Variants in NRG1 observed in about 807,000 individuals in gnomAD.
NRG1 encodes neuregulin 1.
In NRG1, 18 loss-of-function variants were observed where a neutral mutation model predicts 63.8. The observed-to-expected ratio is 0.28, with a 90% confidence interval of 0.19 to 0.42. The LOEUF is 0.42. Ranked by LOEUF, NRG1 falls within the 10% of genes least tolerant of loss-of-function variation. NRG1 has a pLI of 1.00. For missense variants in NRG1, 762 were observed against 814.7 expected (o/e 0.94, Z 0.79); for synonymous variants, 302 against 301.3 (o/e 1.00, Z -0.02).
At chr8:32,376,471 G>A (rs897865711) in intron 1 of NRG1, among the ~76,000 whole-genome samples, 2 of 152,046 alleles carry the variant, frequency 1.3e-5, no homozygotes, top group Admixed American at 1.3e-4. Flanking sequence ...CCAGAGGATG[G>A]GTACCTAGGT....
intron 1 of NRG1, among the ~76,000 whole-genome samples, chr8:32,325,452 G>A (rs938556984): frequency 1.4e-4 from 22 of 152,176 alleles, no homozygotes; most frequent in African/African-American, 5.1e-4. Context: ...CACAAACGTG[G>A]CTCACTGCAG....
intron 5 of NRG1, among the ~76,000 whole-genome samples, chr8:32,698,015 G>A (rs1255309103): frequency 1.3e-5 from 2 of 152,066 alleles, no homozygotes; most frequent in Non-Finnish European, 2.9e-5. Flanking sequence ...TGACCATCCT[G>A]GCCAACATGG....
intron 1 of NRG1, among the ~76,000 whole-genome samples, chr8:31,763,819 G>A (rs1424219216): frequency 1.3e-5 from 2 of 151,964 alleles, no homozygotes; most frequent in Non-Finnish European, 2.9e-5. Flanking sequence ...GCATGGTGGC[G>A]GGTGGCTGTA....
At chr8:32,098,120 C>T (rs544680771) in intron 1 of NRG1, among the ~76,000 whole-genome samples, 3 of 124,586 alleles carry the variant, frequency 2.4e-5, no homozygotes, top group Non-Finnish European at 3.7e-5. Flanking sequence ...GCAATCAGTA[C>T]GGTGGGAAGA....
intron 1 of NRG1, among the ~76,000 whole-genome samples, chr8:31,696,451 C>CT (rs1331236409): frequency 2.6e-5 from 4 of 152,078 alleles, no homozygotes; most frequent in African/African-American, 9.7e-5. Flanking sequence ...GCTTTACTAA[C>CT]TAGGAGGGAA....
At chr8:32,007,426 G>A (rs1247023511) in intron 1 of NRG1, among the ~76,000 whole-genome samples, 2 of 151,938 alleles carry the variant, frequency 1.3e-5, no homozygotes, top group African/African-American at 4.8e-5. Flanking sequence ...GACATTAACT[G>A]AATTTGAAAA....
At chr8:32,284,717 T>G (rs1049515722) in intron 1 of NRG1, among the ~76,000 whole-genome samples, 8 of 152,206 alleles carry the variant, frequency 5.3e-5, no homozygotes, top group African/African-American at 1.9e-4. Flanking sequence ...GCCTTTTGTT[T>G]GTTTGTTTGT....
chr8:32,478,283 C>T (rs1824791195), intron 1 of NRG1, among the ~76,000 whole-genome samples: 1 of 152,096 alleles, frequency 6.6e-6, no homozygotes, highest in African/African-American at 2.4e-5. Flanking sequence ...CTTTTTGCAG[C>T]CTGGGGGCCC....
intron 1 of NRG1, among the ~76,000 whole-genome samples, chr8:31,688,230 A>G (rs1361009603): frequency 6.6e-6 from 1 of 152,170 alleles, no homozygotes; most frequent in East Asian, 1.9e-4. Flanking sequence ...CTGATCTCCA[A>G]AGTGATGGTA....
At chr8:32,737,661 G>A (rs1935801066) in intron 6 of NRG1, among the ~76,000 whole-genome samples, 1 of 147,620 alleles carries the variant, frequency 6.8e-6, no homozygotes, top group Admixed American at 6.8e-5. Context: ...TCAATTAACT[G>A]TATGACAATC....
At chr8:31,660,223 A>G (rs1245815092) in intron 1 of NRG1, among the ~76,000 whole-genome samples, 2 of 152,206 alleles carry the variant, frequency 1.3e-5, no homozygotes, top group African/African-American at 2.4e-5. Context: ...CTGGCAAGCT[A>G]TGATTGATTG....
chr8:32,410,836 T>C (rs1402785509), intron 1 of NRG1, among the ~76,000 whole-genome samples: 1 of 151,838 alleles, frequency 6.6e-6, no homozygotes, highest in East Asian at 1.9e-4. Context: ...CACAGAACCA[T>C]GGAAATATAG....
intron 5 of NRG1, among the ~76,000 whole-genome samples, chr8:32,713,745 T>TA (rs1163703637): frequency 6.9e-6 from 1 of 144,848 alleles, no homozygotes; most frequent in East Asian, 1.9e-4. Context: ...AATATATTTG[T>TA]TATAAATATA....
intron 1 of NRG1, among the ~76,000 whole-genome samples, chr8:31,756,472 C>T (rs1370653301): frequency 1.3e-5 from 2 of 152,128 alleles, no homozygotes; most frequent in Admixed American, 6.5e-5. Context: ...CTGAGGAATG[C>T]CGAGTTACAT....
intron 1 of NRG1, among the ~76,000 whole-genome samples, chr8:31,946,968 C>G (rs1802642873): frequency 6.6e-6 from 1 of 152,184 alleles, no homozygotes; most frequent in Admixed American, 6.5e-5. Context: ...CTGTGATTGC[C>G]TACTAAATTC....
At chr8:32,000,586 A>G (rs899889779) in intron 1 of NRG1, among the ~76,000 whole-genome samples, 5 of 152,062 alleles carry the variant, frequency 3.3e-5, no homozygotes, top group Admixed American at 3.3e-4. Flanking sequence ...TCTTAAAAAA[A>G]TTTGTTTTCA....
At chr8:32,769,699 C>G (rs1001211753), downstream of NRG1, among the ~76,000 whole-genome samples, 1 of 152,018 alleles carries the variant, frequency 6.6e-6, no homozygotes, top group African/African-American at 2.4e-5. Flanking sequence ...CAGGAAATAC[C>G]AATACTTTCA....
intron 1 of NRG1, among the ~76,000 whole-genome samples, chr8:32,139,675 T>G (rs1298578302): frequency 6.6e-6 from 1 of 152,104 alleles, no homozygotes; most frequent in African/African-American, 2.4e-5. Flanking sequence ...AATGCTTGGG[T>G]GATGGATGCA....
chr8:31,776,894 A>G (rs188247903), intron 1 of NRG1, among the ~76,000 whole-genome samples: 10 of 152,296 alleles, frequency 6.6e-5, no homozygotes, highest in African/African-American at 2.4e-4. Context: ...CTGCATAGTA[A>G]CAGCAGGTTC....
Sources: gnomAD v4.1 joint callset for allele counts (sites outside exome capture counted in the v4.1 genomes callset) on GRCh38, gnomAD v4.1.1 for gene constraint, MANE v1.5 for transcripts, NCBI Gene and HGNC (gene_info 2026-07-23, HGNC 2026-07-21) for gene names.